PAK5: variants seen among roughly 807,000 people sequenced by gnomAD.
PAK5 encodes the protein serine/threonine-protein kinase PAK 5.
A neutral mutation model predicts 65.9 loss-of-function variants in PAK5; 16 were observed. That is an observed-to-expected ratio of 0.24 (90% confidence interval 0.16 to 0.37). The LOEUF (loss-of-function observed/expected upper bound fraction) is 0.37, where lower values mean the gene tolerates loss of function less well. Ranked by LOEUF, PAK5 falls within the 10% of genes least tolerant of loss-of-function variation. PAK5 has a pLI of 1.00. For missense variants in PAK5, 785 were observed against 903.9 expected (o/e 0.87, Z 1.69); for synonymous variants, 371 against 354.9 (o/e 1.05, Z -0.51).
chr20:9,820,108 T>C (rs914059390), intron 1 of PAK5, among the ~76,000 whole-genome samples: 2 of 152,206 alleles, frequency 1.3e-5, no homozygotes, highest in African/African-American at 4.8e-5. Flanking sequence ...CCACTTTGAG[T>C]TGGGTTTCTG....
chr20:9,600,204 C>A (rs773375295), intron 3 of PAK5, among the ~76,000 whole-genome samples: 1 of 152,078 alleles, frequency 6.6e-6, no homozygotes, highest in Non-Finnish European at 1.5e-5. Context: ...TTCCATTGGC[C>A]TAGATGTCCG....
At chr20:9,579,387 A>G (rs1285329399) in intron 4 of PAK5, among the ~76,000 whole-genome samples, 1 of 152,228 alleles carries the variant, frequency 6.6e-6, no homozygotes, top group African/African-American at 2.4e-5. Flanking sequence ...CTTCGGACCC[A>G]TAGACCTTTG....
At chr20:9,669,077 CA>C (rs1431855764) in intron 2 of PAK5, among the ~76,000 whole-genome samples, 4 of 152,062 alleles carry the variant, frequency 2.6e-5, no homozygotes, top group African/African-American at 4.8e-5. Flanking sequence ...AAGTGATTTA[CA>C]AAAAATATTG....
intron 1 of PAK5, among the ~76,000 whole-genome samples, chr20:9,746,359 G>A (rs2048508030): frequency 6.6e-6 from 1 of 152,052 alleles, no homozygotes; most frequent in African/African-American, 2.4e-5. Flanking sequence ...GACATTCCTC[G>A]AGCTGAACCA....
At position 9,537,383 on chromosome 20, in the gene PAK5, A is replaced by T. The variant is rs1226684455; in HGVS notation, c.*2079T>A. The T allele has an allele frequency of 5.2e-6, 1 of 191,628 alleles. No homozygotes were observed. The highest frequency in any genetic ancestry group is 2.3e-5 in the African/African-American group (1 of 43,030). 11.9% of individuals were successfully genotyped at this position (191,628 alleles called of 1,614,324 possible). ...GAGAAATCACTGTTTCCAATAACACAATGGGGAAAAGGCAAACATTTATTT... is the reference window on the plus strand; with the variant it reads ...GAGAAATCACTGTTTCCAATAACACTATGGGGAAAAGGCAAACATTTATTT... On this transcript the variant is annotated 3_prime_UTR_variant, in exon 10 of 10. Coordinates refer to ENST00000353224, the MANE Select transcript of PAK5 (RefSeq NM_177990.4).
In PAK5 at chr20:9,544,451, T is replaced by G; in HGVS notation, c.1787A>C (p.Glu596Ala). 1 of 1,613,944 alleles carries G rather than the reference T, an allele frequency of 6.2e-7. No individual in the cohort carries two copies. The highest frequency in any genetic ancestry group is 8.5e-7 in the Non-Finnish European group (1 of 1,179,800). Residue 596 changes from glutamate to alanine, a missense_variant, in exon 8 of 10, where the codon GAG (glutamate) becomes GCG (alanine). Transcript: ENST00000353224. ...DFGFCAQVSK[E>A]VPKRKSLVGT... ...AACCAATGATTTCCTCTTCGGCACC[T>G]CTTTGGAAACTTGAGCACAGAAACC...
At chr20:9,553,459 G>A (rs1346516092) in intron 7 of PAK5, among the ~76,000 whole-genome samples, 1 of 152,066 alleles carries the variant, frequency 6.6e-6, no homozygotes, top group Non-Finnish European at 1.5e-5. Context: ...ATCAGCACAG[G>A]ACTTCCTGGT....
intron 1 of PAK5, among the ~76,000 whole-genome samples, chr20:9,810,239 A>T (rs902079596): frequency 3.3e-5 from 5 of 152,184 alleles, no homozygotes; most frequent in African/African-American, 1.2e-4. Context: ...TGACCCCAGC[A>T]TGCGCTTTTA....
intron 1 of PAK5, among the ~76,000 whole-genome samples, chr20:9,827,665 C>T (rs1047281645): frequency 6.6e-6 from 1 of 151,888 alleles, no homozygotes; most frequent in African/African-American, 2.4e-5. Context: ...AGAAAGTTTT[C>T]AATGAAGGTG....
chr20:9,547,061 C>T (rs2045356494), intron 7 of PAK5, among the ~76,000 whole-genome samples: 1 of 152,062 alleles, frequency 6.6e-6, no homozygotes, highest in South Asian at 2.1e-4. Context: ...GGGACAGGCC[C>T]TAAATTGCAT....
chr20:9,749,239 A>C (rs1409683252), intron 1 of PAK5, among the ~76,000 whole-genome samples: 1 of 152,132 alleles, frequency 6.6e-6, no homozygotes, highest in Non-Finnish European at 1.5e-5. Context: ...TGAAATATCC[A>C]TTGAGAGCTA....
At chr20:9,732,516 CTTCCAGGTTTAAAT>C (rs1165233295) in intron 1 of PAK5, among the ~76,000 whole-genome samples, 4 of 152,184 alleles carry the variant, frequency 2.6e-5, no homozygotes, top group Non-Finnish European at 5.9e-5. Flanking sequence ...AGTCTACATC[CTTCCAGGTTTAAAT>C]TAGCATAATT....
At chr20:9,627,987 T>A (rs2046870759) in intron 3 of PAK5, among the ~76,000 whole-genome samples, 1 of 152,226 alleles carries the variant, frequency 6.6e-6, no homozygotes, top group Non-Finnish European at 1.5e-5. Flanking sequence ...GAGAGTTACA[T>A]ATAAATTATT....
intron 2 of PAK5, among the ~76,000 whole-genome samples, chr20:9,704,764 C>T (rs968827760): frequency 6.6e-6 from 1 of 152,122 alleles, no homozygotes. Flanking sequence ...CAAAGTGAGA[C>T]GTTACTGCTG....
At chr20:9,601,729 C>T (rs2046362418) in intron 3 of PAK5, among the ~76,000 whole-genome samples, 1 of 152,066 alleles carries the variant, frequency 6.6e-6, no homozygotes, top group Non-Finnish European at 1.5e-5. Context: ...AAAGCAGAGG[C>T]TATTATATAT....
intron 2 of PAK5, among the ~76,000 whole-genome samples, chr20:9,692,136 T>A (rs985973879): frequency 1.3e-5 from 2 of 152,216 alleles, no homozygotes; most frequent in African/African-American, 2.4e-5. Flanking sequence ...TTGCTCACTC[T>A]GATAGAGTAC....
chr20:9,676,785 G>C (rs1001960066), intron 2 of PAK5, among the ~76,000 whole-genome samples: 2 of 152,140 alleles, frequency 1.3e-5, no homozygotes, highest in Non-Finnish European at 2.9e-5. Flanking sequence ...TCAATACCCA[G>C]AAGGACAAAG....
intron 7 of PAK5, among the ~76,000 whole-genome samples, chr20:9,552,212 T>A (rs2045439086): frequency 6.6e-6 from 1 of 152,246 alleles, no homozygotes; most frequent in Non-Finnish European, 1.5e-5. Context: ...AGACCACTTG[T>A]GTGTGTCTCT....
chr20:9,657,215 G>A (rs546837968), intron 2 of PAK5, among the ~76,000 whole-genome samples: 8 of 152,254 alleles, frequency 5.3e-5, no homozygotes, highest in South Asian at 4.1e-4. Context: ...ATATAATATT[G>A]AGACTGTTAT....
Sources: allele counts gnomAD v4.1 joint callset (sites outside exome capture counted in the v4.1 genomes callset), GRCh38; gene constraint gnomAD v4.1.1; transcripts MANE v1.5; gene names NCBI Gene and HGNC (gene_info 2026-07-23, HGNC 2026-07-21).